The following SLC9A8 variants were observed in gnomAD, a reference collection of about 807,000 sequenced individuals.
SLC9A8 encodes sodium/hydrogen exchanger 8.
In SLC9A8, 48 loss-of-function variants were observed where a neutral mutation model predicts 66.6. That is an observed-to-expected ratio of 0.72 (90% CI 0.57 to 0.92). SLC9A8 has a LOEUF of 0.92. SLC9A8 is among the 40% of genes least tolerant of loss of function. The pLI is 0.00. For missense variants in SLC9A8, 599 were observed against 747.3 expected (o/e 0.80, Z 2.31); for synonymous variants, 274 against 282.6 (o/e 0.97, Z 0.31).
At chr20:49,852,195 G>A (rs756578601) in intron 7 of SLC9A8, among the ~76,000 whole-genome samples, 6 of 152,184 alleles carry the variant, frequency 3.9e-5, no homozygotes, top group Non-Finnish European at 5.9e-5. Flanking sequence ...ATGGGGCAGC[G>A]GCCAGTGGGA....
intron 5 of SLC9A8, among the ~76,000 whole-genome samples, chr20:49,847,907 G>GTTTTTTTTTT (rs3091810): frequency 1.7e-5 from 2 of 115,216 alleles, no homozygotes; most frequent in Non-Finnish European, 3.3e-5. Flanking sequence ...TGATTAATCT[G>GTTTTTTTTTT]TTTTTTTTTT....
At chr20:49,812,972 G>GAGGCGGCGGGGCTGGGCCC (rs1555824354) in intron 1 of SLC9A8, 24 bp downstream of exon 1, 30 of 1,390,126 alleles carry the variant, frequency 2.2e-5, no homozygotes, top group African/African-American at 1.1e-4. Context: ...TTCCCGGGCG[G>GAGGCGGCGGGGCTGGGCCC]CGGAGGCGGC....
chr20:49,840,340 C>T (rs1019640342), intron 4 of SLC9A8, among the ~76,000 whole-genome samples: 6 of 151,926 alleles, frequency 3.9e-5, no homozygotes, highest in Admixed American at 6.6e-5. Context: ...TTGAGTAGGG[C>T]GAGATTAACA....
At chr20:49,824,111 CAGTACTA>C (rs1413356350) in intron 3 of SLC9A8, among the ~76,000 whole-genome samples, 1 of 152,206 alleles carries the variant, frequency 6.6e-6, no homozygotes, top group Non-Finnish European at 1.5e-5. Context: ...CCCTGGACTT[CAGTACTA>C]AGTGCCAGAT....
At chr20:49,834,335 A>ACAC (rs2087380932) in intron 3 of SLC9A8, among the ~76,000 whole-genome samples, 1 of 58,024 alleles carries the variant, frequency 1.7e-5, no homozygotes, top group East Asian at 3.3e-4. Flanking sequence ...TATACTGTGT[A>ACAC]TATATATATA....
At chr20:49,884,833 G>A (rs892996115) in intron 14 of SLC9A8, among the ~76,000 whole-genome samples, 1 of 152,184 alleles carries the variant, frequency 6.6e-6, no homozygotes, top group Non-Finnish European at 1.5e-5. Context: ...TTCACCCTCA[G>A]GACCCCTGTG....
chr20:49,883,127 C>G (rs949572238), intron 13 of SLC9A8, among the ~76,000 whole-genome samples: 7 of 151,892 alleles, frequency 4.6e-5, no homozygotes, highest in African/African-American at 7.3e-5. Context: ...CTGCCTGTCC[C>G]CTCCGTATGG....
intron 7 of SLC9A8, 76 bp downstream of exon 7, chr20:49,850,920 G>T: frequency 1.9e-6 from 2 of 1,066,864 alleles, no homozygotes; most frequent in Non-Finnish European, 2.8e-6. Context: ...TGCTTCCTGG[G>T]TGTGGTACTG....
chr20:49,845,662 A>G (rs2087954467), intron 5 of SLC9A8, among the ~76,000 whole-genome samples: 1 of 151,900 alleles, frequency 6.6e-6, no homozygotes, highest in South Asian at 2.1e-4. Context: ...TCCCTGGTCC[A>G]GCTTCTCCTT....
At chr20:49,832,262 A>G (rs367838744) in intron 3 of SLC9A8, among the ~76,000 whole-genome samples, 1 of 152,086 alleles carries the variant, frequency 6.6e-6, no homozygotes, top group Non-Finnish European at 1.5e-5. Context: ...AGCTCTTGAT[A>G]TGGAAATGAG....
Position 49,891,682 on chromosome 20 carries a change from T to C in SLC9A8, c.*3746T>C, listed in dbSNP as rs1170385723. 1 of 152,174 alleles carries C rather than the reference T, an allele frequency of 6.6e-6. No individual in the cohort carries two copies. Among genetic ancestry groups the C allele is most frequent in the Admixed American group, 6.5e-5 (1 of 15,268 alleles). The allele number at this position is 152,174 out of a possible 1,614,324, so 9.4% of individuals were successfully genotyped here. ...GAAGTGCTGGTGAGCAGTGGGCCTG[T>C]GATTGGATGGGAAGATGTGCATCCG... On this transcript the variant is annotated 3_prime_UTR_variant, in exon 16 of 16. Transcript: ENST00000361573.
intron 12 of SLC9A8, 152 bp downstream of exon 12, chr20:49,878,215 A>G (rs2146738152): frequency 2.0e-6 from 1 of 487,970 alleles, no homozygotes; most frequent in East Asian, 3.4e-5. Flanking sequence ...TAAAAAAAAA[A>G]AATCACAAAC....
rs552309221 is a variant in SLC9A8 at position 49,889,352 on chromosome 20, T to C, written c.*1416T>C. On this transcript the variant is annotated 3_prime_UTR_variant, in exon 16 of 16. Transcript: ENST00000361573. ...GCCAGCATGGACCCTGGGCTGATCA[T>C]GTGCATTCCTGCTTCTCTGGGGACA... 3.3e-5 allele frequency: 5 copies of C among 152,178 alleles called. No individual in the cohort carries two copies. The highest frequency in any genetic ancestry group is 9.6e-5 in the African/African-American group (4 of 41,492). 9.4% of individuals were successfully genotyped at this position (152,178 alleles called of 1,614,324 possible).
At chr20:49,858,034 A>G (rs1231156361) in intron 8 of SLC9A8, among the ~76,000 whole-genome samples, 1 of 152,228 alleles carries the variant, frequency 6.6e-6, no homozygotes, top group African/African-American at 2.4e-5. Context: ...GCTACTACCT[A>G]GAGATAATTA....
Position 49,850,790 on chromosome 20 carries a change from TTGTG to T in SLC9A8, c.535-16_535-13del, listed in dbSNP as rs1379339233. On this transcript the variant is annotated splice_polypyrimidine_tract_variant and intron_variant, in intron 6 of 15. Coordinates refer to ENST00000361573, the MANE Select transcript of SLC9A8 (RefSeq NM_015266.3). ...TTTTTTTTTGTGTGTGTCTGTGTGT[TTGTG>T]TGTTTTATTTTACAGGCTGATGTAA... 1 of 1,611,864 alleles carries T rather than the reference TTGTG, an allele frequency of 6.2e-7. No homozygotes were observed. The highest frequency in any genetic ancestry group is 8.5e-7 in the Non-Finnish European group (1 of 1,179,374).
chr20:49,884,338 C>CACATACACACA (rs1600823664), intron 14 of SLC9A8, among the ~76,000 whole-genome samples: 3 of 44,570 alleles, frequency 6.7e-5, no homozygotes, highest in African/African-American at 2.8e-4. Context: ...ACACACACAC[C>CACATACACACA]CCCCGGTCAT....
At chr20:49,830,026 T>C in intron 3 of SLC9A8, 1 of 653,626 alleles carries the variant, frequency 1.5e-6, no homozygotes, top group South Asian at 1.4e-5. Flanking sequence ...GACCAGTGGC[T>C]GCATTTAAAT....
chr20:49,853,497 C>T (rs1333785924), intron 7 of SLC9A8, among the ~76,000 whole-genome samples: 1 of 152,174 alleles, frequency 6.6e-6, no homozygotes, highest in East Asian at 1.9e-4. Context: ...GGTGATGGGG[C>T]TGTGGTTGAT....
intron 3 of SLC9A8, among the ~76,000 whole-genome samples, chr20:49,826,667 T>C (rs1254277609): frequency 6.6e-6 from 1 of 152,232 alleles, no homozygotes; most frequent in African/African-American, 2.4e-5. Flanking sequence ...AAGAGTTCCT[T>C]GGCCCCTGTT....
Sources: gnomAD v4.1 joint callset for allele counts (sites outside exome capture counted in the v4.1 genomes callset) on GRCh38, gnomAD v4.1.1 for gene constraint, MANE v1.5 for transcripts, NCBI Gene and HGNC (gene_info 2026-07-23, HGNC 2026-07-21) for gene names.